Variants in GABBR2 observed in about 807,000 individuals in gnomAD.
GABBR2 encodes gamma-aminobutyric acid type B receptor subunit 2, also known as G-protein coupled receptor 51.
In GABBR2, 23 loss-of-function variants were observed where a neutral mutation model predicts 105.6. The ratio of observed to expected loss-of-function variants is 0.22; its 90% confidence interval spans 0.16 to 0.31. The LOEUF is 0.31. Ranked by LOEUF, GABBR2 falls within the 10% of genes least tolerant of loss-of-function variation. The probability of loss-of-function intolerance (pLI) is 1.00; values close to 1 mark genes in which losing one functional copy is unlikely to be tolerated. For missense variants in GABBR2, 734 were observed against 1,245.5 expected, an observed-to-expected ratio of 0.59 and a Z score of 6.18; for synonymous variants, 478 against 499.7, an observed-to-expected ratio of 0.96 and a Z score of 0.58.
intron 13 of GABBR2, among the ~76,000 whole-genome samples, chr9:98,318,381 C>T (rs1223151512): frequency 1.3e-5 from 2 of 152,058 alleles, no homozygotes; most frequent in African/African-American, 2.4e-5. Flanking sequence ...CTTTGTCACC[C>T]GCACACCTCT....
intron 6 of GABBR2, among the ~76,000 whole-genome samples, chr9:98,458,052 C>A (rs919922979): frequency 6.6e-6 from 1 of 152,320 alleles, no homozygotes; most frequent in East Asian, 1.9e-4. Context: ...GAACTTGGAA[C>A]ATATTTTCCC....
intron 13 of GABBR2, among the ~76,000 whole-genome samples, chr9:98,352,792 A>T (rs1831422529): frequency 6.6e-6 from 1 of 152,030 alleles, no homozygotes; most frequent in Non-Finnish European, 1.5e-5. Flanking sequence ...TCTCTGGGGC[A>T]TAGGACGCTG....
intron 13 of GABBR2, among the ~76,000 whole-genome samples, chr9:98,320,303 G>A (rs1177632016): frequency 6.6e-6 from 1 of 151,734 alleles, no homozygotes; most frequent in Non-Finnish European, 1.5e-5. Context: ...AGTTAGAATG[G>A]CGATCATTAA....
Position 98,706,099 on chromosome 9 carries a change from AC to A in GABBR2, c.321+2317del, listed in dbSNP as rs1237502475. 8.2e-4 allele frequency among the ~76,000 whole-genome samples: 27 copies of A among 33,108 alleles called. 1 individual carries two copies. Among genetic ancestry groups the A allele is most frequent in the Admixed American group, 4.4e-3 (16 of 3,632 alleles). 21.7% of individuals were successfully genotyped at this position (33,108 alleles called of 152,430 possible). ...CTCAAAAAAACAAAAACAAAACAAA[AC>A]AAAAAAAACAAAAAAAAAAAAAAAA... On this transcript the variant is annotated intron_variant, in intron 1 of 18. Transcript: ENST00000259455.
At chr9:98,667,517 T>C (rs10435898) in intron 1 of GABBR2, among the ~76,000 whole-genome samples, 141,249 of 152,250 alleles carry the variant, frequency 0.93, 65,648 homozygotes, top group Middle Eastern at 0.97. Context: ...CCACATCCAG[T>C]AACTATTTGA....
intron 1 of GABBR2, among the ~76,000 whole-genome samples, chr9:98,635,638 T>C (rs531636198): frequency 6.6e-6 from 1 of 152,200 alleles, no homozygotes; most frequent in East Asian, 1.9e-4. Context: ...TGTCTGTAGG[T>C]TGGGTCTTTA....
chr9:98,353,808 G>C (rs112445927), intron 13 of GABBR2, among the ~76,000 whole-genome samples: 3 of 3,226 alleles, frequency 9.3e-4, no homozygotes, highest in South Asian at 2.1e-3. Context: ...GATCATGGTG[G>C]GGGGGGGTGG....
chr9:98,367,308 A>AAAAAAT (rs1554695821), intron 12 of GABBR2, among the ~76,000 whole-genome samples: 2 of 150,886 alleles, frequency 1.3e-5, no homozygotes, highest in African/African-American at 2.5e-5. Flanking sequence ...TAAAAAAAAA[A>AAAAAAT]AAAAAAATAA....
chr9:98,385,115 G>T (rs1219900266), intron 11 of GABBR2, among the ~76,000 whole-genome samples: 1 of 152,190 alleles, frequency 6.6e-6, no homozygotes, highest in Non-Finnish European at 1.5e-5. Flanking sequence ...TGGCGCTGAT[G>T]CTTTTCTGGA....
intron 12 of GABBR2, among the ~76,000 whole-genome samples, chr9:98,365,634 G>A (rs1414295598): frequency 2.0e-5 from 3 of 152,208 alleles, no homozygotes; most frequent in Admixed American, 2.0e-4. Flanking sequence ...CCTACCCTGA[G>A]TCAGGTTCTG....
chr9:98,498,507 C>T (rs1173372521), intron 3 of GABBR2, among the ~76,000 whole-genome samples: 2 of 152,178 alleles, frequency 1.3e-5, no homozygotes, highest in Non-Finnish European at 2.9e-5. Flanking sequence ...ATGGTCAACA[C>T]CAAGGAAGGG....
chr9:98,431,965 G>A (rs375469039), intron 7 of GABBR2, among the ~76,000 whole-genome samples: 2 of 150,712 alleles, frequency 1.3e-5, no homozygotes, highest in South Asian at 2.1e-4. Context: ...GTGTGATCTC[G>A]GCTCACTGCA....
intron 1 of GABBR2, among the ~76,000 whole-genome samples, chr9:98,687,446 A>ACC (rs1472033472): frequency 1.3e-5 from 2 of 152,166 alleles, no homozygotes; most frequent in East Asian, 3.9e-4. Flanking sequence ...CTGACTTAGC[A>ACC]GGATTCTTGC....
chr9:98,326,375 C>A (rs2131383306), intron 13 of GABBR2, among the ~76,000 whole-genome samples: 1 of 152,286 alleles, frequency 6.6e-6, no homozygotes, highest in Non-Finnish European at 1.5e-5. Context: ...AGAGGAGGAA[C>A]CTGAGGCTCA....
At chr9:98,347,545 T>G (rs1831322169) in intron 13 of GABBR2, among the ~76,000 whole-genome samples, 1 of 152,250 alleles carries the variant, frequency 6.6e-6, no homozygotes, top group Non-Finnish European at 1.5e-5. Context: ...TGTTGATTGT[T>G]TCCTTTGCTA....
chr9:98,483,942 A>T (rs1192938835), intron 4 of GABBR2, among the ~76,000 whole-genome samples: 1 of 152,232 alleles, frequency 6.6e-6, no homozygotes, highest in Non-Finnish European at 1.5e-5. Context: ...AGGGCGCTAC[A>T]CATATGTCAA....
intron 13 of GABBR2, among the ~76,000 whole-genome samples, chr9:98,359,428 T>G (rs889921512): frequency 1.3e-5 from 2 of 151,980 alleles, no homozygotes; most frequent in Non-Finnish European, 2.9e-5. Context: ...AGACTCTGTC[T>G]CCAAAAAAAT....
intron 3 of GABBR2, among the ~76,000 whole-genome samples, chr9:98,534,466 A>T (rs1828129997): frequency 6.6e-6 from 1 of 152,216 alleles, no homozygotes; most frequent in Non-Finnish European, 1.5e-5. Context: ...TAATAAAAAT[A>T]ACAGCTGCCC....
chr9:98,703,938 A>G (rs1015403419), intron 1 of GABBR2, among the ~76,000 whole-genome samples: 7 of 151,988 alleles, frequency 4.6e-5, no homozygotes, highest in African/African-American at 1.7e-4. Context: ...TACACTTTAA[A>G]AGAGTGATTT....
Sources: allele counts gnomAD v4.1 joint callset (sites outside exome capture counted in the v4.1 genomes callset), GRCh38; gene constraint gnomAD v4.1.1; transcripts MANE v1.5; gene names NCBI Gene and HGNC (gene_info 2026-07-23, HGNC 2026-07-21).